SPIDR: variants seen among roughly 807,000 people sequenced by gnomAD.
SPIDR encodes scaffold protein involved in DNA repair, also known as DNA repair-scaffolding protein.
A neutral mutation model predicts 104.6 loss-of-function variants in SPIDR; 93 were observed. The observed-to-expected ratio is 0.89, with a 90% CI of 0.75 to 1.06. The LOEUF (loss-of-function observed/expected upper bound fraction) is 1.06, where lower values mean the gene tolerates loss of function less well. Ranked by LOEUF, SPIDR falls within the 50% of genes least tolerant of loss-of-function variation. The probability of loss-of-function intolerance (pLI) is 0.00; values close to 1 mark genes in which losing one functional copy is unlikely to be tolerated. For missense variants in SPIDR, 1,154 were observed against 1,111.2 expected (o/e 1.04, Z -0.55); for synonymous variants, 431 against 416.9 (o/e 1.03, Z -0.41).
chr8:47,409,949 G>A (rs2063276022), intron 7 of SPIDR, among the ~76,000 whole-genome samples: 1 of 152,116 alleles, frequency 6.6e-6, no homozygotes, highest in South Asian at 2.1e-4. Context: ...AATTGCTTGA[G>A]CCTAGGAGTT....
intron 8 of SPIDR, among the ~76,000 whole-genome samples, chr8:47,518,055 A>G (rs2083426842): frequency 6.6e-6 from 1 of 152,180 alleles, no homozygotes; most frequent in African/African-American, 2.4e-5. Flanking sequence ...TTTAAATTCT[A>G]AGGTTGTTAA....
chr8:47,310,353 AG>A (rs1215996315), intron 5 of SPIDR, among the ~76,000 whole-genome samples: 2 of 151,254 alleles, frequency 1.3e-5, no homozygotes, highest in East Asian at 3.9e-4. Flanking sequence ...AAAAAAAAAA[AG>A]TCACTATGGA....
intron 8 of SPIDR, among the ~76,000 whole-genome samples, chr8:47,532,397 C>T (rs1250925346): frequency 6.6e-6 from 1 of 152,146 alleles, no homozygotes; most frequent in Admixed American, 6.5e-5. Flanking sequence ...AAATAAAACT[C>T]AACTACAAGT....
chr8:47,280,816 G>A (rs990553338), intron 2 of SPIDR, among the ~76,000 whole-genome samples: 1 of 152,188 alleles, frequency 6.6e-6, no homozygotes, highest in Non-Finnish European at 1.5e-5. Flanking sequence ...GGGATTATAG[G>A]TGTGAGCCCC....
intron 5 of SPIDR, among the ~76,000 whole-genome samples, chr8:47,301,362 G>A (rs1201722448): frequency 2.0e-5 from 3 of 152,116 alleles, no homozygotes; most frequent in African/African-American, 7.2e-5. Flanking sequence ...TGGGTTTCCT[G>A]AATACCGCAC....
chr8:47,615,656 A>T (rs1188087798), intron 10 of SPIDR, among the ~76,000 whole-genome samples: 3 of 151,398 alleles, frequency 2.0e-5, no homozygotes, highest in Non-Finnish European at 4.4e-5. Flanking sequence ...AACCCCAGGC[A>T]CTCCACCATG....
chr8:47,333,807 T>C (rs539610897), intron 5 of SPIDR, among the ~76,000 whole-genome samples: 3 of 152,314 alleles, frequency 2.0e-5, no homozygotes, highest in Admixed American at 2.0e-4. Context: ...ATGACATCAT[T>C]AGGTAATAGG....
chr8:47,400,762 G>A (rs1285762481), intron 6 of SPIDR, among the ~76,000 whole-genome samples: 6 of 150,600 alleles, frequency 4.0e-5, no homozygotes, highest in African/African-American at 1.5e-4. Context: ...ATTTAAGTGT[G>A]TTGGTAATAA....
At chr8:47,402,777 A>G (rs782388137) in intron 6 of SPIDR, among the ~76,000 whole-genome samples, 4 of 152,230 alleles carry the variant, frequency 2.6e-5, no homozygotes, top group Non-Finnish European at 5.9e-5. Context: ...CAGAAGTACA[A>G]AGAGGAGCTG....
In SPIDR at chr8:47,688,016, A is replaced by AGTGTGTGTGTGTGT. The variant is rs141582845; in HGVS notation, c.1686-12371_1686-12358dup. On this transcript the variant is annotated intron_variant, in intron 11 of 19. Coordinates refer to ENST00000297423, the MANE Select transcript of SPIDR (RefSeq NM_001080394.4). ...TGAGACCTGGCTGTCAAAAAAAAAA[A>AGTGTGTGTGTGTGT]GTGTGTGTGTGTGTGTGTGTGTGTG... 1.9e-3 allele frequency among the ~76,000 whole-genome samples: 282 copies of AGTGTGTGTGTGTGT among 145,746 alleles called. 1 individual carries two copies. Among genetic ancestry groups the AGTGTGTGTGTGTGT allele is most frequent in the Middle Eastern group, 3.6e-3 (1 of 280 alleles).
intron 8 of SPIDR, among the ~76,000 whole-genome samples, chr8:47,542,157 T>C (rs1051998640): frequency 1.3e-5 from 2 of 151,204 alleles, no homozygotes; most frequent in Non-Finnish European, 2.9e-5. Context: ...AACGTCGTCT[T>C]AACTGTCATT....
chr8:47,410,933 G>A (rs2063432493), intron 7 of SPIDR, among the ~76,000 whole-genome samples: 1 of 152,118 alleles, frequency 6.6e-6, no homozygotes, highest in Non-Finnish European at 1.5e-5. Flanking sequence ...CCTTGCGATA[G>A]TTTGCTGAGA....
At chr8:47,568,332 A>C (rs2058134695) in intron 8 of SPIDR, among the ~76,000 whole-genome samples, 1 of 152,318 alleles carries the variant, frequency 6.6e-6, no homozygotes, top group African/African-American at 2.4e-5. Flanking sequence ...TTAGAACAAT[A>C]CTTGGCACAG....
intron 5 of SPIDR, among the ~76,000 whole-genome samples, chr8:47,340,255 T>C (rs1450662923): frequency 2.0e-5 from 3 of 152,178 alleles, no homozygotes; most frequent in Non-Finnish European, 4.4e-5. Context: ...AGGGGAGATA[T>C]AACCGTGGGA....
intron 8 of SPIDR, among the ~76,000 whole-genome samples, chr8:47,581,664 A>G (rs2059709349): frequency 1.3e-5 from 2 of 152,182 alleles, no homozygotes; most frequent in East Asian, 1.9e-4. Context: ...CATGCCTTCC[A>G]TGAAAAGAAA....
At chr8:47,315,020 A>G (rs1177479545) in intron 5 of SPIDR, among the ~76,000 whole-genome samples, 1 of 152,172 alleles carries the variant, frequency 6.6e-6, no homozygotes, top group Admixed American at 6.5e-5. Flanking sequence ...ACTTCAAGAC[A>G]GTACTGGAGA....
intron 6 of SPIDR, among the ~76,000 whole-genome samples, chr8:47,403,052 C>T (rs781875876): frequency 5.3e-5 from 8 of 152,186 alleles, no homozygotes; most frequent in Admixed American, 2.6e-4. Context: ...GTTCAGCATA[C>T]GCAAATCAGT....
chr8:47,709,748 G>A (rs1342253772), intron 14 of SPIDR, among the ~76,000 whole-genome samples: 2 of 152,088 alleles, frequency 1.3e-5, no homozygotes, highest in African/African-American at 2.4e-5. Context: ...GAACATTTTG[G>A]TATATTAATA....
intron 8 of SPIDR, among the ~76,000 whole-genome samples, chr8:47,587,515 A>G (rs972149922): frequency 6.6e-6 from 1 of 150,728 alleles, no homozygotes; most frequent in Non-Finnish European, 1.5e-5. Context: ...CTGAGGTAGG[A>G]GAATCACTTG....
Sources: gnomAD v4.1 joint callset for allele counts (sites outside exome capture counted in the v4.1 genomes callset) on GRCh38, gnomAD v4.1.1 for gene constraint, MANE v1.5 for transcripts, NCBI Gene and HGNC (gene_info 2026-07-23, HGNC 2026-07-21) for gene names.